SMARCD3: variants seen among roughly 807,000 people sequenced by gnomAD.
SMARCD3 encodes SWI/SNF related BAF chromatin remodeling complex subunit D3.
A neutral mutation model predicts 58.0 loss-of-function variants in SMARCD3; 14 were observed. That is an observed-to-expected ratio of 0.24 (90% CI 0.16 to 0.38). The LOEUF (loss-of-function observed/expected upper bound fraction) is 0.38. Ranked by LOEUF, SMARCD3 falls within the 10% of genes least tolerant of loss-of-function variation. The pLI is 1.00. For missense variants in SMARCD3, 408 were observed against 636.9 expected, an observed-to-expected ratio of 0.64 and a Z score of 3.87; for synonymous variants, 253 against 253.8, an observed-to-expected ratio of 1.00 and a Z score of 0.03.
At chr7:151,262,298 T>A (rs1278470004) in intron 2 of SMARCD3, among the ~76,000 whole-genome samples, 1 of 152,070 alleles carries the variant, frequency 6.6e-6, no homozygotes, top group African/African-American at 2.4e-5. Context: ...CTCAGGCTGA[T>A]CACCAACTCC....
At chr7:151,270,260 C>T (rs936444846) in intron 2 of SMARCD3, among the ~76,000 whole-genome samples, 1 of 152,152 alleles carries the variant, frequency 6.6e-6, no homozygotes, top group Admixed American at 6.5e-5. Context: ...GGGCACAGGG[C>T]AGCTCAGGCG....
chr7:151,271,891 G>A (rs1338443364), intron 2 of SMARCD3, among the ~76,000 whole-genome samples: 1 of 152,164 alleles, frequency 6.6e-6, no homozygotes, highest in African/African-American at 2.4e-5. Flanking sequence ...CCCAGGAGTT[G>A]GAGGCTGCAG....
At chr7:151,250,685 A>T (rs1275813372), upstream of SMARCD3, among the ~76,000 whole-genome samples, 1 of 151,952 alleles carries the variant, frequency 6.6e-6, no homozygotes, top group Non-Finnish European at 1.5e-5. Flanking sequence ...AGCACCATGA[A>T]TTGGCATTGG....
upstream of SMARCD3, chr7:151,248,822 C>T: frequency 2.6e-6 from 1 of 379,398 alleles, no homozygotes; most frequent in Non-Finnish European, 3.7e-6. This position sits in a 1 kb window ranked among gnomAD's most constrained non-coding sequence, Gnocchi z 6.1. Flanking sequence ...GTCCGGCGGC[C>T]CGGGGTCTGC....
At chr7:151,253,030 A>C (rs1803578620), upstream of SMARCD3, among the ~76,000 whole-genome samples, 1 of 152,256 alleles carries the variant, frequency 6.6e-6, no homozygotes, top group South Asian at 2.1e-4. Context: ...CCTGTCCCTC[A>C]GTGTCCTCAG....
At position 151,243,550 on chromosome 7, in the gene SMARCD3, A is replaced by C; in HGVS notation, c.333+109T>G. ...CACTTATTAATGAGCTTTTTTAAACAAAAAGTGAAAGTGACTGTGATGCTG... is the reference window on the plus strand; with the variant it reads ...CACTTATTAATGAGCTTTTTTAAACCAAAAGTGAAAGTGACTGTGATGCTG... On this transcript the variant is annotated intron_variant, in intron 3 of 12. Coordinates refer to ENST00000262188, the MANE Select transcript of SMARCD3 (RefSeq NM_001003801.2). This position sits in a 1 kb window ranked among gnomAD's most constrained non-coding sequence, Gnocchi z 4.4. The C allele has an allele frequency of 1.4e-6, 1 of 736,312 alleles. No homozygotes were observed. The highest frequency in any genetic ancestry group is 2.4e-6 in the Non-Finnish European group (1 of 411,462). The allele number at this position is 736,312 out of a possible 1,614,324, so 45.6% of individuals were successfully genotyped here.
At chr7:151,259,601 G>GTTTTT (rs112223142) in intron 2 of SMARCD3, among the ~76,000 whole-genome samples, 829 of 70,470 alleles carry the variant, frequency 0.012, 60 homozygotes, top group Middle Eastern at 0.027. Flanking sequence ...CAACCTGAGA[G>GTTTTT]TTTTTTTTTT....
At chr7:151,263,784 G>A (rs912597111) in intron 2 of SMARCD3, among the ~76,000 whole-genome samples, 11 of 152,104 alleles carry the variant, frequency 7.2e-5, no homozygotes, top group African/African-American at 2.4e-4. Context: ...TCTCTCTACG[G>A]CATGGCCAGA....
In SMARCD3 at chr7:151,240,549, A is replaced by G. The variant is rs756717966; in HGVS notation, c.940-27T>C. On this transcript the variant is annotated intron_variant, in intron 8 of 12. Transcript: ENST00000262188. ...TGAAGCAGGACAATTGGGGAGAGAGAGATCACTCTTCTTGAAGAGATCATC... is the reference window on the plus strand; with the variant it reads ...TGAAGCAGGACAATTGGGGAGAGAGGGATCACTCTTCTTGAAGAGATCATC... 9 of 1,515,094 alleles carry G rather than the reference A, an allele frequency of 5.9e-6. No homozygotes were observed. In the South Asian group the frequency reaches 9.1e-5, roughly 15 times the overall value. 93.9% of individuals were successfully genotyped at this position (1,515,094 alleles called of 1,614,324 possible). A position where few individuals can be genotyped will look rare whatever the true frequency, so the allele number is the denominator to read the frequency against.
chr7:151,256,704 C>T (rs1803710866), intron 2 of SMARCD3, among the ~76,000 whole-genome samples: 2 of 152,262 alleles, frequency 1.3e-5, no homozygotes, highest in African/African-American at 4.8e-5. Flanking sequence ...TGCAGCTTCT[C>T]CCTCCTCTGA....
At chr7:151,263,945 T>C (rs1322407073) in intron 2 of SMARCD3, among the ~76,000 whole-genome samples, 1 of 152,194 alleles carries the variant, frequency 6.6e-6, no homozygotes, top group Non-Finnish European at 1.5e-5. Flanking sequence ...CCAGTCCCTA[T>C]CTGGTCCTCA....
chr7:151,259,601 G>GTTTTTTTTTTT lies in SMARCD3; in HGVS notation c.40-13941_40-13931dup, dbSNP rs112223142. Among the ~76,000 whole-genome samples the GTTTTTTTTTTT allele has an allele frequency of 5.2e-3, 370 of 70,508 alleles. 43 individuals carry two copies. The highest frequency in any genetic ancestry group is 0.014 in the Middle Eastern group (1 of 74). The allele number at this position is 70,508 out of a possible 152,430, so 46.3% of individuals were successfully genotyped here. A position where few individuals can be genotyped will look rare whatever the true frequency, so the allele number is the denominator to read the frequency against. On this transcript the variant is annotated intron_variant, in intron 2 of 13. Coordinates refer to the SMARCD3 transcript ENST00000356800. ...TGCCAGCTGAGGTTACAACCTGAGAGTTTTTTTTTTTTTTTTTTTTTTTTT... is the reference window on the plus strand; with the variant it reads ...TGCCAGCTGAGGTTACAACCTGAGAGTTTTTTTTTTTTTTTTTTTTTTTTTTTTTTTTTTTT...
chr7:151,242,436 C>T lies in SMARCD3; in HGVS notation c.579+45G>A, dbSNP rs1563650938. 6.2e-7 allele frequency: 1 copy of T among 1,604,808 alleles called. No individual in the cohort carries two copies. Among genetic ancestry groups the T allele is most frequent in the Non-Finnish European group, 8.5e-7 (1 of 1,176,040 alleles). On this transcript the variant is annotated intron_variant, in intron 5 of 12. Transcript: ENST00000262188. This position sits in a 1 kb window ranked among gnomAD's most constrained non-coding sequence, Gnocchi z 4.7. ...ACCTTGTTCTGTTCTCAGTGCAGCC[C>T]ATGCCCACCCCAGGACACCTGGAGA...
At chr7:151,262,166 G>C (rs1803938889) in intron 2 of SMARCD3, among the ~76,000 whole-genome samples, 1 of 152,010 alleles carries the variant, frequency 6.6e-6, no homozygotes, top group Non-Finnish European at 1.5e-5. Flanking sequence ...CAGCTCACTG[G>C]ACCTCCTGGG....
Position 151,240,643 on chromosome 7 carries a change from C to T in SMARCD3, c.940-121G>A, listed in dbSNP as rs188632480. On this transcript the variant is annotated intron_variant, in intron 8 of 12. Coordinates refer to ENST00000262188, the MANE Select transcript of SMARCD3 (RefSeq NM_001003801.2). Reference sequence around the variant, plus strand: ...TGAGAGGAAGTCTGATTCCTCAGTGCGCATGGGGATGGGATTGGGGTGGGC... The same window carrying T: ...TGAGAGGAAGTCTGATTCCTCAGTGTGCATGGGGATGGGATTGGGGTGGGC... 2,469 of 689,620 alleles carry T rather than the reference C, an allele frequency of 3.6e-3. 54 individuals are homozygous for T. In the African/African-American group the frequency reaches 0.039, roughly 11 times the overall value. The allele number at this position is 689,620 out of a possible 1,614,324, so 42.7% of individuals were successfully genotyped here. A position where few individuals can be genotyped will look rare whatever the true frequency, so the allele number is the denominator to read the frequency against.
At position 151,242,001 on chromosome 7, in the gene SMARCD3, G is replaced by A. The variant is rs760306472; in HGVS notation, c.676-23C>T. 3 of 1,594,992 alleles carry A rather than the reference G, an allele frequency of 1.9e-6. No individual in the cohort carries two copies. The South Asian group carries it at 3.3e-5, about 18-fold the overall frequency. On this transcript the variant is annotated intron_variant, in intron 6 of 12. Coordinates refer to ENST00000262188, the MANE Select transcript of SMARCD3 (RefSeq NM_001003801.2). The surrounding 1 kb of genome is among the most constrained non-coding windows in gnomAD (Gnocchi z 4.7). ...CCACTGTCCAGGAGAGAAGAGCTGT[G>A]TCTCCCAAAGGCCCATCTGGAGTGG...
intron 1 of SMARCD3, among the ~76,000 whole-genome samples, chr7:151,247,543 A>G (rs1803327052): frequency 6.6e-6 from 1 of 152,102 alleles, no homozygotes; most frequent in Non-Finnish European, 1.5e-5. Context: ...AAAGGCCAAA[A>G]TCCTAGGGAC....
chr7:151,245,897 A>C lies in SMARCD3; in HGVS notation c.79-226T>G, dbSNP rs1158762750. ...CGTCTGGCTGCAGGAAGCTAACTGA[A>C]GCCAGGCACCGCACAGGGCATTGCG... On this transcript the variant is annotated intron_variant, in intron 1 of 12. Transcript: ENST00000262188. This position sits in a 1 kb window ranked among gnomAD's most constrained non-coding sequence, Gnocchi z 6.2. 2.7e-6 allele frequency: 1 copy of C among 373,332 alleles called. No individual in the cohort carries two copies. Among genetic ancestry groups the C allele is most frequent in the Non-Finnish European group, 4.8e-6 (1 of 210,266 alleles). 23.1% of individuals were successfully genotyped at this position (373,332 alleles called of 1,614,324 possible). A position where few individuals can be genotyped will look rare whatever the true frequency, so the allele number is the denominator to read the frequency against.
At chr7:151,263,582 G>C (rs1400815285) in intron 2 of SMARCD3, among the ~76,000 whole-genome samples, 1 of 152,118 alleles carries the variant, frequency 6.6e-6, no homozygotes, top group African/African-American at 2.4e-5. Flanking sequence ...TTTCCATGCT[G>C]TTCCATGGTT....
Sources: gnomAD v4.1 joint callset for allele counts (sites outside exome capture counted in the v4.1 genomes callset) on GRCh38, gnomAD v4.1.1 for gene constraint, Gnocchi (gnomAD v3.1) non-coding constraint, MANE v1.5 for transcripts, NCBI Gene and HGNC (gene_info 2026-07-23, HGNC 2026-07-21) for gene names.